CDH22: variants seen among roughly 807,000 people sequenced by gnomAD.
The protein encoded by CDH22 is cadherin 22.
Under a neutral mutation model 58.4 loss-of-function variants are expected in CDH22, and 30 were observed. The ratio of observed to expected loss-of-function variants is 0.51; its 90% CI spans 0.38 to 0.70. The LOEUF is 0.70. Among genes scored for constraint, CDH22 ranks in the 30% least tolerant of loss-of-function variants. The probability of loss-of-function intolerance (pLI) is 0.00; values close to 1 mark genes in which losing one functional copy is unlikely to be tolerated. For synonymous variants in CDH22, 513 were observed against 558.2 expected (o/e 0.92, Z 1.14); for missense variants, 1,014 against 1,233.9 (o/e 0.82, Z 2.67).
chr20:46,182,572 C>A (rs932397299), intron 10 of CDH22, among the ~76,000 whole-genome samples: 1 of 152,178 alleles, frequency 6.6e-6, no homozygotes, highest in Non-Finnish European at 1.5e-5. Context: ...CACTCCTCCA[C>A]CCCATGAAGG....
chr20:46,205,883 T>G (rs1445125115), intron 7 of CDH22, among the ~76,000 whole-genome samples: 1 of 152,160 alleles, frequency 6.6e-6, no homozygotes, highest in African/African-American at 2.4e-5. Flanking sequence ...GTCCCTGCCA[T>G]CTCTCCTCCC....
Position 46,174,226 on chromosome 20 carries a change from C to T in CDH22, c.*280G>A, listed in dbSNP as rs1207272317. 1 of 447,732 alleles carries T rather than the reference C, an allele frequency of 2.2e-6. No individual in the cohort carries two copies. Among genetic ancestry groups the T allele is most frequent in the Non-Finnish European group, 3.9e-6 (1 of 256,312 alleles). 27.7% of individuals were successfully genotyped at this position (447,732 alleles called of 1,614,324 possible). ...CCGCCCCTTCCCGACTCTGCAACGCCACCCCCATCTCCCATTCTAACCCCA... is the reference window on the plus strand; with the variant it reads ...CCGCCCCTTCCCGACTCTGCAACGCTACCCCCATCTCCCATTCTAACCCCA... On this transcript the variant is annotated 3_prime_UTR_variant, in exon 12 of 12. Transcript: ENST00000537909. This position sits in a 1 kb window ranked among gnomAD's most constrained non-coding sequence, Gnocchi z 4.4.
chr20:46,211,158 C>T (rs534029830), intron 6 of CDH22, among the ~76,000 whole-genome samples: 3 of 152,306 alleles, frequency 2.0e-5, no homozygotes, highest in South Asian at 2.1e-4. Context: ...TGCTTCTTAT[C>T]GGGGGGTGCT....
chr20:46,223,335 A>G (rs1316782096), intron 4 of CDH22, among the ~76,000 whole-genome samples: 1 of 151,982 alleles, frequency 6.6e-6, no homozygotes, highest in African/African-American at 2.4e-5. Flanking sequence ...CCCAAGACTC[A>G]GTCTTGGCCC....
chr20:46,251,876 C>T lies in CDH22; in HGVS notation c.-399-183G>A, dbSNP rs1052103333. On this transcript the variant is annotated intron_variant, in intron 1 of 11. Coordinates refer to ENST00000537909, the MANE Select transcript of CDH22 (RefSeq NM_021248.3). The surrounding 1 kb of genome is among the most constrained non-coding windows in gnomAD (Gnocchi z 6.7). Reference sequence around the variant, plus strand: ...TTCTTGGAGCCCATAGTCTAGTAGGCGCCCTCTCCCGCACATCGCAGCCTC... The same window carrying T: ...TTCTTGGAGCCCATAGTCTAGTAGGTGCCCTCTCCCGCACATCGCAGCCTC... Among the ~76,000 whole-genome samples the T allele has an allele frequency of 2.0e-5, 3 of 152,032 alleles. No individual in the cohort carries two copies. Among genetic ancestry groups the T allele is most frequent in the Non-Finnish European group, 4.4e-5 (3 of 67,982 alleles).
intron 3 of CDH22, among the ~76,000 whole-genome samples, chr20:46,235,475 A>C (rs925451937): frequency 6.6e-6 from 1 of 152,236 alleles, no homozygotes; most frequent in African/African-American, 2.4e-5. Flanking sequence ...ATCTAGACTC[A>C]TAGATCCAAC....
intron 4 of CDH22, among the ~76,000 whole-genome samples, chr20:46,221,717 G>C (rs2086126934): frequency 6.6e-6 from 1 of 152,194 alleles, no homozygotes. Flanking sequence ...GCCGTGTGCA[G>C]GGCGGGGAGG....
intron 1 of CDH22, among the ~76,000 whole-genome samples, chr20:46,272,169 C>T (rs954507523): frequency 1.3e-5 from 2 of 152,234 alleles, no homozygotes; most frequent in Non-Finnish European, 2.9e-5. Flanking sequence ...CACATCATTT[C>T]CATCTCCATT....
chr20:46,234,102 G>A (rs1444503799), intron 3 of CDH22, among the ~76,000 whole-genome samples: 5 of 152,178 alleles, frequency 3.3e-5, no homozygotes, highest in African/African-American at 1.2e-4. Context: ...TTAAGAATCA[G>A]ATAGTGTGCT....
At chr20:46,248,832 CCAA>C (rs915503006) in intron 2 of CDH22, among the ~76,000 whole-genome samples, 9 of 152,026 alleles carry the variant, frequency 5.9e-5, no homozygotes, top group Admixed American at 5.2e-4. Context: ...AAAAACAAAA[CCAA>C]CAACAACAAC....
chr20:46,277,294 A>T (rs1173881205), intron 1 of CDH22, among the ~76,000 whole-genome samples: 1 of 152,166 alleles, frequency 6.6e-6, no homozygotes, highest in Non-Finnish European at 1.5e-5. Flanking sequence ...TTTTTCTAGA[A>T]GGCATTAGAA....
chr20:46,221,001 G>A (rs1231408709), intron 4 of CDH22, among the ~76,000 whole-genome samples: 1 of 152,208 alleles, frequency 6.6e-6, no homozygotes, highest in Non-Finnish European at 1.5e-5. Flanking sequence ...ATCAGCAAGT[G>A]TGACAAAAGC....
Position 46,175,057 on chromosome 20 carries a change from T to C in CDH22, c.1936A>G (p.Thr646Ala), listed in dbSNP as rs1600681464. 6.2e-7 allele frequency: 1 copy of C among 1,604,780 alleles called. No homozygotes were observed. The highest frequency in any genetic ancestry group is 1.3e-5 in the African/African-American group (1 of 74,460). ...ILVVLVLLIL[T>A]LRRHHKSHLS... ...TGGCTCTTGTGGTGGCGCCTGAGGGTGAGGATCAGCAGCACCAGCACTGCG... is the reference window on the plus strand; with the variant it reads ...TGGCTCTTGTGGTGGCGCCTGAGGGCGAGGATCAGCAGCACCAGCACTGCG... The change falls in exon 12 of 12, where the codon ACC becomes GCC. Residue 646 changes from threonine to alanine, a missense_variant. Coordinates refer to ENST00000537909, the MANE Select transcript of CDH22 (RefSeq NM_021248.3).
At chr20:46,196,565 T>C (rs1205215301) in intron 8 of CDH22, among the ~76,000 whole-genome samples, 1 of 152,182 alleles carries the variant, frequency 6.6e-6, no homozygotes, top group Non-Finnish European at 1.5e-5. Flanking sequence ...TGAGCCACTG[T>C]GCCTGGCCTG....
intron 1 of CDH22, among the ~76,000 whole-genome samples, chr20:46,276,851 G>A (rs912999844): frequency 6.6e-6 from 1 of 152,190 alleles, no homozygotes; most frequent in Non-Finnish European, 1.5e-5. Flanking sequence ...CTCCACCTAA[G>A]TGGAGATGTC....
intron 3 of CDH22, among the ~76,000 whole-genome samples, chr20:46,237,963 C>A (rs540449704): frequency 2.0e-5 from 3 of 152,172 alleles, no homozygotes; most frequent in African/African-American, 7.2e-5. Context: ...ACCATTAGTC[C>A]TGCCACCTCT....
At chr20:46,286,013 T>G (rs2086575314) in intron 1 of CDH22, among the ~76,000 whole-genome samples, 1 of 152,206 alleles carries the variant, frequency 6.6e-6, no homozygotes, top group African/African-American at 2.4e-5. Flanking sequence ...TCAAATACAA[T>G]TGTAGATTCT....
At chr20:46,176,709 G>A (rs377708444) in intron 11 of CDH22, among the ~76,000 whole-genome samples, 9 of 152,378 alleles carry the variant, frequency 5.9e-5, no homozygotes, top group African/African-American at 2.2e-4. Context: ...CACGAGAGCT[G>A]GGGACAGGCC....
intron 1 of CDH22, among the ~76,000 whole-genome samples, chr20:46,261,140 GA>G (rs2086431297): frequency 6.6e-6 from 1 of 152,150 alleles, no homozygotes; most frequent in Admixed American, 6.5e-5. Flanking sequence ...TTTCTCATCT[GA>G]AAAATGGGGA....
Sources: gnomAD v4.1 joint callset for allele counts (sites outside exome capture counted in the v4.1 genomes callset) on GRCh38, gnomAD v4.1.1 for gene constraint, Gnocchi (gnomAD v3.1) non-coding constraint, MANE v1.5 for transcripts, NCBI Gene and HGNC (gene_info 2026-07-23, HGNC 2026-07-21) for gene names.